The following B3GALNT2 variants were observed in gnomAD, a reference collection of about 807,000 sequenced individuals.
The protein encoded by B3GALNT2 is UDP-GalNAc:beta-1,3-N-acetylgalactosaminyltransferase 2.
In B3GALNT2, 53 loss-of-function variants were observed where a neutral mutation model predicts 61.1. That is an observed-to-expected ratio of 0.87 (90% CI 0.70 to 1.09). B3GALNT2 has a LOEUF of 1.09. Ranked by LOEUF, B3GALNT2 falls within the 50% of genes least tolerant of loss-of-function variation. The pLI, the probability that B3GALNT2 is intolerant of heterozygous loss-of-function variation, is 0.00. For synonymous variants in B3GALNT2, 223 were observed against 237.4 expected (o/e 0.94, Z 0.56); for missense variants, 544 against 623.0 (o/e 0.87, Z 1.35).
At chr1:235,500,832 G>A (rs1685548724) in intron 1 of B3GALNT2, among the ~76,000 whole-genome samples, 1 of 152,174 alleles carries the variant, frequency 6.6e-6, no homozygotes, top group South Asian at 2.1e-4. Context: ...AAGTCTATGA[G>A]ATCATCATCT....
At position 235,493,775 on chromosome 1, in the gene B3GALNT2, C is replaced by CA. The variant is rs750114299; in HGVS notation, c.260+905dup. Reference sequence around the variant, plus strand: ...CTTGAGCGACAGCAAAACTCCATCTCAAAAAAAAAAAAAATTCACAACTGC... The same window carrying CA: ...CTTGAGCGACAGCAAAACTCCATCTCAAAAAAAAAAAAAAATTCACAACTGC... On this transcript the variant is annotated intron_variant, in intron 2 of 11. Transcript: ENST00000366600. Among the ~76,000 whole-genome samples, 768 of 138,572 alleles carry CA rather than the reference C, an allele frequency of 5.5e-3. 5 individuals are homozygous for CA. The highest frequency in any genetic ancestry group is 0.015 in the African/African-American group (569 of 37,642). 90.9% of individuals were successfully genotyped at this position (138,572 alleles called of 152,430 possible).
intron 5 of B3GALNT2, 33 bp downstream of exon 5, chr1:235,480,021 T>C (rs1451790076): frequency 4.3e-6 from 7 of 1,612,092 alleles, no homozygotes; most frequent in African/African-American, 1.3e-5. Flanking sequence ...AAGGACTGCA[T>C]TGGTACTACA....
intron 9 of B3GALNT2, among the ~76,000 whole-genome samples, chr1:235,454,873 C>T (rs755305982): frequency 2.0e-5 from 3 of 152,192 alleles, no homozygotes; most frequent in Admixed American, 2.0e-4. Context: ...GAAGATCACC[C>T]TGTGTTTTAG....
intron 6 of B3GALNT2, among the ~76,000 whole-genome samples, chr1:235,467,483 CTTTTTTTT>C (rs373792377): frequency 5.1e-5 from 6 of 116,644 alleles, no homozygotes; most frequent in African/African-American, 1.1e-4. Flanking sequence ...TACTTATTTA[CTTTTTTTT>C]TTTTTTTTTT....
chr1:235,478,146 G>A (rs778469927), intron 5 of B3GALNT2, among the ~76,000 whole-genome samples: 3 of 151,992 alleles, frequency 2.0e-5, no homozygotes, highest in Admixed American at 6.6e-5. Flanking sequence ...CCTGTCCCCC[G>A]GGTTCAAGCG....
chr1:235,465,320 T>C (rs572565515), intron 7 of B3GALNT2: 34 of 269,326 alleles, frequency 1.3e-4, no homozygotes, highest in African/African-American at 7.3e-4. Context: ...GTACTGTGCA[T>C]TTCCATTTAT....
intron 7 of B3GALNT2, 116 bp downstream of exon 7, chr1:235,465,520 T>C (rs1250485510): frequency 6.9e-7 from 1 of 1,456,088 alleles, no homozygotes; most frequent in Admixed American, 2.2e-5. Flanking sequence ...AAAGGGTGAA[T>C]TTTATCTGAA....
chr1:235,501,722 C>T (rs1685589091), intron 1 of B3GALNT2, among the ~76,000 whole-genome samples: 1 of 151,872 alleles, frequency 6.6e-6, no homozygotes, highest in African/African-American at 2.4e-5. Context: ...ACTGCCATTA[C>T]TTAATGAGAC....
At position 235,489,195 on chromosome 1, in the gene B3GALNT2, A is replaced by G. The variant is rs751783609; in HGVS notation, c.334T>C (p.Cys112Arg). 1 of 1,614,056 alleles carries G rather than the reference A, an allele frequency of 6.2e-7. No individual in the cohort carries two copies. Among genetic ancestry groups the G allele is most frequent in the Non-Finnish European group, 8.5e-7 (1 of 1,179,954 alleles). The change falls in exon 3 of 12, where the codon TGT (cysteine) becomes CGT (arginine). Residue 112 changes from cysteine to arginine, a missense_variant. By Grantham distance (180) the Cys-to-Arg change is radical. Transcript: ENST00000366600. ...GGATTTGTGATGTTGAGTAGTTTAC[A>G]GGAATAAGGATCCTCCCTGTCTTCC... is the stretch of plus-strand genomic sequence containing the variant. ...PVEDREDPYS[C>R]KLLNITNPVL...
chr1:235,450,167 G>C lies in B3GALNT2; in HGVS notation c.*39C>G, dbSNP rs781059119. 6.2e-7 allele frequency: 1 copy of C among 1,611,476 alleles called. No individual in the cohort carries two copies. The highest frequency in any genetic ancestry group is 2.2e-5 in the East Asian group (1 of 44,844). ...CAGACTTGCACTCAGATTATCGTTTGCCTGCCCTGATTTTAGACTCTGCTA... is the reference window on the plus strand; with the variant it reads ...CAGACTTGCACTCAGATTATCGTTTCCCTGCCCTGATTTTAGACTCTGCTA... On this transcript the variant is annotated 3_prime_UTR_variant, in exon 12 of 12. Coordinates refer to ENST00000366600, the MANE Select transcript of B3GALNT2 (RefSeq NM_152490.5).
At chr1:235,461,300 A>AAG (rs1344053481) in intron 7 of B3GALNT2, among the ~76,000 whole-genome samples, 8 of 152,252 alleles carry the variant, frequency 5.3e-5, no homozygotes, top group Middle Eastern at 3.4e-3. Context: ...TCAATCAGTG[A>AAG]TTCTTGGGAA....
At chr1:235,473,564 C>A (rs1371309162) in intron 5 of B3GALNT2, among the ~76,000 whole-genome samples, 1 of 152,148 alleles carries the variant, frequency 6.6e-6, no homozygotes, top group Non-Finnish European at 1.5e-5. Context: ...GCCCATGGGA[C>A]ATTCAAGTGG....
chr1:235,452,392 T>A lies in B3GALNT2; in HGVS notation c.1368+698A>T, dbSNP rs1311315244. 3 of 152,182 alleles carry A rather than the reference T, an allele frequency of 2.0e-5. No individual in the cohort carries two copies. In the East Asian group the frequency reaches 5.8e-4, roughly 29 times the overall value. The allele number at this position is 152,182 out of a possible 1,614,324, so 9.4% of individuals were successfully genotyped here. A position where few individuals can be genotyped will look rare whatever the true frequency, so the allele number is the denominator to read the frequency against. On this transcript the variant is annotated intron_variant, in intron 11 of 11. Transcript: ENST00000366600. ...GCTTTAAACTCAGAAAAATACTGTA[T>A]GAGAAATAACCTAGTGGATTATTGT...
Position 235,449,093 on chromosome 1 carries a change from C to A in B3GALNT2, c.*1113G>T. On this transcript the variant is annotated 3_prime_UTR_variant, in exon 12 of 12. Transcript: ENST00000366600. ...AAATCTGAACACAGTTAATATCTGT[C>A]ATAAGACTAGTTTTAATGGAATTCT... 3.3e-6 allele frequency: 1 copy of A among 303,080 alleles called. No homozygotes were observed. The highest frequency in any genetic ancestry group is 3.1e-5 in the South Asian group (1 of 32,156). The allele number at this position is 303,080 out of a possible 1,614,324, so 18.8% of individuals were successfully genotyped here.
intron 1 of B3GALNT2, among the ~76,000 whole-genome samples, chr1:235,501,626 C>A (rs1265984354): frequency 1.3e-5 from 2 of 152,090 alleles, no homozygotes; most frequent in Non-Finnish European, 2.9e-5. Flanking sequence ...AGTAGGCTCT[C>A]AAATATTTGC....
At chr1:235,473,009 G>A (rs1429850478) in intron 5 of B3GALNT2, among the ~76,000 whole-genome samples, 4 of 152,108 alleles carry the variant, frequency 2.6e-5, no homozygotes, top group Non-Finnish European at 4.4e-5. Context: ...CCCAGGTCCT[G>A]GTTCAAGTGA....
intron 2 of B3GALNT2, among the ~76,000 whole-genome samples, chr1:235,490,442 G>A (rs950265322): frequency 8.5e-5 from 13 of 152,120 alleles, no homozygotes; most frequent in African/African-American, 2.9e-4. Context: ...TGTTGGCCAG[G>A]CTGGTCTCGA....
rs950522785 is a variant in B3GALNT2, at chr1:235,449,024, A to T, written c.*1182T>A. ...TTACAGCTCATCACTGCATTTCATG[A>T]TAAGATTTAAATATTAAATAGAAAG... On this transcript the variant is annotated 3_prime_UTR_variant, in exon 12 of 12. Transcript: ENST00000366600. 1.1e-5 allele frequency: 4 copies of T among 378,834 alleles called. No individual in the cohort carries two copies. Among genetic ancestry groups the T allele is most frequent in the African/African-American group, 2.1e-5 (1 of 48,086 alleles). The allele number at this position is 378,834 out of a possible 1,614,324, so 23.5% of individuals were successfully genotyped here. A position where few individuals can be genotyped will look rare whatever the true frequency, so the allele number is the denominator to read the frequency against.
downstream of B3GALNT2, chr1:235,442,931 CT>C: frequency 1.2e-6 from 2 of 1,613,632 alleles, no homozygotes; most frequent in South Asian, 2.2e-5. Flanking sequence ...ACCAGCCTGT[CT>C]TTTCCTTAAA....
Sources: allele counts gnomAD v4.1 joint callset (sites outside exome capture counted in the v4.1 genomes callset), GRCh38; gene constraint gnomAD v4.1.1; transcripts MANE v1.5; gene names NCBI Gene and HGNC (gene_info 2026-07-23, HGNC 2026-07-21).